The following ATP9B variants were observed in gnomAD, a reference collection of about 807,000 sequenced individuals.
The protein encoded by ATP9B is ATPase phospholipid transporting 9B.
In ATP9B, 110 loss-of-function variants were observed where a neutral mutation model predicts 146.1. The observed-to-expected ratio is 0.75, with a 90% CI of 0.65 to 0.88. The LOEUF (loss-of-function observed/expected upper bound fraction) is 0.88. ATP9B is among the 40% of genes least tolerant of loss of function. The pLI is 0.00. For missense variants in ATP9B, 1,499 were observed against 1,496.4 expected, an observed-to-expected ratio of 1.00 and a Z score of -0.03; for synonymous variants, 604 against 569.7, an observed-to-expected ratio of 1.06 and a Z score of -0.86.
chr18:79,345,454 A>G lies in ATP9B; in HGVS notation c.2499A>G (p.Glu833=), dbSNP rs375945484. The G allele has an allele frequency of 3.1e-6, 5 of 1,613,930 alleles. No individual in the cohort carries two copies. The highest frequency in any genetic ancestry group is 2.2e-5 in the South Asian group (2 of 91,086). ...TTTGTCTAAAGTACTACGAGCATGA[A>G]TTTGTGGAGCTGGCCTGCCAGTGCC... ...LEVCLKYYEH[E]FVELACQCPA... Residue 833 remains glutamate, a synonymous_variant, in exon 22 of 30, where the codon GAA becomes GAG. Coordinates refer to ENST00000426216, the MANE Select transcript of ATP9B (RefSeq NM_198531.5).
chr18:79,302,022 A>T (rs1444255822), intron 13 of ATP9B, among the ~76,000 whole-genome samples: 2 of 152,202 alleles, frequency 1.3e-5, no homozygotes, highest in African/African-American at 4.8e-5. Context: ...GGTACCATAG[A>T]CATGAAAATA....
At chr18:79,354,598 C>G (rs1330210783) in intron 25 of ATP9B, 2 of 141,334 alleles carry the variant, frequency 1.4e-5, no homozygotes, top group African/African-American at 5.1e-5. Context: ...AAAAAAAAAC[C>G]CAGCCCCACT....
intron 9 of ATP9B, chr18:79,194,721 C>G (rs2095402626): frequency 6.6e-6 from 1 of 152,188 alleles, no homozygotes; most frequent in African/African-American, 2.4e-5. Context: ...AGAGTTTAAT[C>G]TGTAGCTCAT....
At chr18:79,075,550 T>C (rs1420499783) in intron 1 of ATP9B, among the ~76,000 whole-genome samples, 1 of 152,224 alleles carries the variant, frequency 6.6e-6, no homozygotes, top group Non-Finnish European at 1.5e-5. Flanking sequence ...CTTTTATCAT[T>C]ATGTAGTTCA....
At chr18:79,311,970 C>T (rs555710367) in intron 15 of ATP9B, among the ~76,000 whole-genome samples, 1 of 152,354 alleles carries the variant, frequency 6.6e-6, no homozygotes, top group East Asian at 1.9e-4. Context: ...GCAGCCTTCC[C>T]TCGTGGCAGG....
intron 6 of ATP9B, among the ~76,000 whole-genome samples, chr18:79,153,103 A>T (rs1036885901): frequency 6.6e-6 from 1 of 152,192 alleles, no homozygotes; most frequent in Non-Finnish European, 1.5e-5. Flanking sequence ...ATCCAATAAC[A>T]TAGCTTTCTT....
At chr18:79,336,456 C>A (rs1351140416) in intron 17 of ATP9B, among the ~76,000 whole-genome samples, 172 bp from the exon 18 acceptor site, 1 of 152,162 alleles carries the variant, frequency 6.6e-6, no homozygotes, top group Non-Finnish European at 1.5e-5. Context: ...TAAAAGGATG[C>A]ATTGTATGTA....
intron 17 of ATP9B, among the ~76,000 whole-genome samples, chr18:79,332,121 A>G (rs536053298): frequency 3.9e-4 from 60 of 152,364 alleles, no homozygotes; most frequent in Admixed American, 1.5e-3. Context: ...AACTTAGAGC[A>G]AAGAAAGTGT....
intron 12 of ATP9B, among the ~76,000 whole-genome samples, chr18:79,275,901 A>T (rs1354068733): frequency 6.6e-6 from 1 of 152,272 alleles, no homozygotes; most frequent in African/African-American, 2.4e-5. Flanking sequence ...CTCTATGGAC[A>T]GATAAGTCAA....
chr18:79,147,603 G>A (rs1200072340), intron 6 of ATP9B, among the ~76,000 whole-genome samples: 1 of 152,034 alleles, frequency 6.6e-6, no homozygotes, highest in Non-Finnish European at 1.5e-5. Context: ...GTAGTCTCAA[G>A]GAAACAATAC....
At chr18:79,122,244 G>A (rs1422212671) in intron 4 of ATP9B, among the ~76,000 whole-genome samples, 1 of 152,084 alleles carries the variant, frequency 6.6e-6, no homozygotes. Context: ...TCTTATCTCA[G>A]TGAGTCACAA....
At chr18:79,169,253 A>G (rs1178804318) in intron 7 of ATP9B, among the ~76,000 whole-genome samples, 1 of 152,130 alleles carries the variant, frequency 6.6e-6, no homozygotes, top group Non-Finnish European at 1.5e-5. Context: ...GGTCAACCCC[A>G]TACCATTAAT....
chr18:79,263,835 A>G (rs2096171528), intron 12 of ATP9B, among the ~76,000 whole-genome samples: 1 of 152,246 alleles, frequency 6.6e-6, no homozygotes, highest in Non-Finnish European at 1.5e-5. Context: ...CTGTAATCCC[A>G]GCACTTTGGG....
chr18:79,311,601 A>T (rs531258947), intron 15 of ATP9B, among the ~76,000 whole-genome samples: 1 of 152,306 alleles, frequency 6.6e-6, no homozygotes, highest in South Asian at 2.1e-4. Context: ...ACTTACTCTA[A>T]CCAAAATATA....
In ATP9B at chr18:79,369,720, G is replaced by A. The variant is rs114957736; in HGVS notation, c.3013-3105G>A. Among the ~76,000 whole-genome samples the A allele has an allele frequency of 1.3e-3, 204 of 152,280 alleles. 4 individuals carry two copies. The highest frequency in any genetic ancestry group is 4.8e-3 in the African/African-American group (198 of 41,562). ...TCTTTCACGCCACACGCGCATCAGC[G>A]TGCTCTGTGCCCCACAGCACTGAGT... On this transcript the variant is annotated intron_variant, in intron 26 of 29. Transcript: ENST00000426216.
intron 1 of ATP9B, among the ~76,000 whole-genome samples, chr18:79,089,901 A>T (rs998715477): frequency 6.6e-6 from 1 of 152,156 alleles, no homozygotes; most frequent in Middle Eastern, 3.4e-3. Flanking sequence ...CCCATTACCC[A>T]TCCATTCTTT....
At chr18:79,226,922 C>A (rs1353026617) in intron 11 of ATP9B, among the ~76,000 whole-genome samples, 32 of 151,560 alleles carry the variant, frequency 2.1e-4, no homozygotes, top group African/African-American at 7.3e-4. Flanking sequence ...TGTGTTGGGC[C>A]CTGTGTACTA....
intron 2 of ATP9B, among the ~76,000 whole-genome samples, chr18:79,099,171 G>T (rs9955477): frequency 6.6e-6 from 1 of 151,816 alleles, no homozygotes; most frequent in South Asian, 2.1e-4. Flanking sequence ...AGTTTTGACA[G>T]GTATTATCAT....
chr18:79,096,496 C>G lies in ATP9B; in HGVS notation c.140C>G (p.Ser47Cys), dbSNP rs528235910. Residue 47 changes from serine to cysteine, a missense_variant, in exon 2 of 30, where the codon TCT becomes TGT. By Grantham distance (112) the Ser-to-Cys change is moderately radical. Transcript: ENST00000426216. ...ACTAGGTACCAGCTGGAGGATGAGT[C>G]TGCGCATTTGGATGAAATGCCACTA... Reference protein sequence around the residue: ...RHSRYQLEDESAHLDEMPLMM... With the variant: ...RHSRYQLEDECAHLDEMPLMM... 3.1e-6 allele frequency: 5 copies of G among 1,614,000 alleles called. No homozygotes were observed. Among genetic ancestry groups the G allele is most frequent in the Admixed American group, 1.7e-5 (1 of 60,014 alleles).
Sources: allele counts gnomAD v4.1 joint callset (sites outside exome capture counted in the v4.1 genomes callset), GRCh38; gene constraint gnomAD v4.1.1; transcripts MANE v1.5; gene names NCBI Gene and HGNC (gene_info 2026-07-23, HGNC 2026-07-21).